The following NPTN variants were observed in gnomAD, a reference collection of about 807,000 sequenced individuals.
NPTN encodes the protein neuroplastin.
In NPTN, 5 loss-of-function variants were observed where a neutral mutation model predicts 42.7. The ratio of observed to expected loss-of-function variants is 0.12; its 90% confidence interval spans 0.06 to 0.25. The LOEUF (loss-of-function observed/expected upper bound fraction) is 0.25. NPTN is among the 10% of genes least tolerant of loss of function. The probability of loss-of-function intolerance (pLI) is 1.00; values close to 1 mark genes in which losing one functional copy is unlikely to be tolerated. For missense variants in NPTN, 307 were observed against 525.4 expected, an observed-to-expected ratio of 0.58 and a Z score of 4.06; for synonymous variants, 180 against 201.9, an observed-to-expected ratio of 0.89 and a Z score of 0.92.
At chr15:73,582,766 T>C (rs1447712585) in intron 4 of NPTN, among the ~76,000 whole-genome samples, 1 of 152,142 alleles carries the variant, frequency 6.6e-6, no homozygotes, top group African/African-American at 2.4e-5. Context: ...TCAGGTGACT[T>C]TTCCAAGCTG....
At chr15:73,631,944 G>C (rs1202496138) in intron 1 of NPTN, among the ~76,000 whole-genome samples, 1 of 152,128 alleles carries the variant, frequency 6.6e-6, no homozygotes, top group Non-Finnish European at 1.5e-5. Flanking sequence ...TCAAAACCCA[G>C]TAATTCTCTG....
intron 4 of NPTN, among the ~76,000 whole-genome samples, chr15:73,580,500 T>C (rs1895968441): frequency 7.7e-6 from 1 of 129,718 alleles, no homozygotes; most frequent in African/African-American, 3.3e-5. Flanking sequence ...TATACATAAA[T>C]ATATATATTA....
intron 4 of NPTN, among the ~76,000 whole-genome samples, chr15:73,576,996 GT>G (rs35892672): frequency 5.9e-5 from 9 of 152,132 alleles, no homozygotes; most frequent in Admixed American, 2.6e-4. Context: ...TGTTCTTGAG[GT>G]TTTTTTCTGC....
intron 1 of NPTN, among the ~76,000 whole-genome samples, chr15:73,623,722 T>C (rs1898251860): frequency 1.3e-5 from 2 of 152,184 alleles, no homozygotes; most frequent in African/African-American, 4.8e-5. Flanking sequence ...ACACTAACTT[T>C]TGAAAAGTCC....
intron 3 of NPTN, among the ~76,000 whole-genome samples, chr15:73,591,352 T>C (rs1896579130): frequency 6.6e-6 from 1 of 152,226 alleles, no homozygotes; most frequent in Non-Finnish European, 1.5e-5. Context: ...TGGGGTGCCA[T>C]GTGTTCTAGA....
intron 1 of NPTN, among the ~76,000 whole-genome samples, chr15:73,613,687 A>G (rs1009087348): frequency 6.6e-6 from 1 of 151,984 alleles, no homozygotes; most frequent in African/African-American, 2.4e-5. Flanking sequence ...AAAATGCTGG[A>G]CATATCTTTT....
chr15:73,563,473 A>G (rs1894809597), intron 6 of NPTN: 21 of 1,377,078 alleles, frequency 1.5e-5, no homozygotes, highest in Non-Finnish European at 1.9e-5. Context: ...TGTTGTTTCA[A>G]TGGTTTTAGT....
chr15:73,585,746 T>G (rs1896286711), intron 4 of NPTN, among the ~76,000 whole-genome samples: 1 of 152,246 alleles, frequency 6.6e-6, no homozygotes, highest in African/African-American at 2.4e-5. Flanking sequence ...CAAGGTCTAC[T>G]TCTGTAAAAC....
intron 1 of NPTN, among the ~76,000 whole-genome samples, chr15:73,607,884 C>T (rs1240211082): frequency 6.6e-6 from 1 of 152,144 alleles, no homozygotes; most frequent in African/African-American, 2.4e-5. Flanking sequence ...GCCCGTGCTG[C>T]TGCTCCAGGG....
chr15:73,611,169 TC>T (rs1292853548), intron 1 of NPTN, among the ~76,000 whole-genome samples: 1 of 152,206 alleles, frequency 6.6e-6, no homozygotes, highest in Non-Finnish European at 1.5e-5. Flanking sequence ...GTCCCTGAAT[TC>T]TCAACAACTC....
intron 4 of NPTN, among the ~76,000 whole-genome samples, chr15:73,583,156 A>C (rs1896141501): frequency 6.6e-6 from 1 of 152,254 alleles, no homozygotes; most frequent in Non-Finnish European, 1.5e-5. Context: ...ATCTCATTCT[A>C]CTTCATCATG....
chr15:73,588,991 T>C (rs941329418), intron 3 of NPTN, among the ~76,000 whole-genome samples: 5 of 152,130 alleles, frequency 3.3e-5, no homozygotes, highest in African/African-American at 1.2e-4. Flanking sequence ...TGAATATCTA[T>C]GTACAGATTC....
At position 73,633,262 on chromosome 15, in the gene NPTN, G is replaced by A. The variant is rs934677450; in HGVS notation, c.-47C>T. ...CAGCGAATGGGCCGGGGCCAGAGCC[G>A]GGGCCGGGGAAGGGAGGGGAGGGAG... On this transcript the variant is annotated 5_prime_UTR_variant, in exon 1 of 9. Coordinates refer to ENST00000345330, the MANE Select transcript of NPTN (RefSeq NM_012428.4). The A allele has an allele frequency of 6.6e-6, 9 of 1,367,990 alleles. No individual in the cohort carries two copies. The highest frequency in any genetic ancestry group is 1.5e-5 in the South Asian group (1 of 68,510). 84.7% of individuals were successfully genotyped at this position (1,367,990 alleles called of 1,614,324 possible).
intron 4 of NPTN, among the ~76,000 whole-genome samples, chr15:73,576,969 AG>A (rs1895733545): frequency 6.6e-6 from 1 of 152,228 alleles, no homozygotes; most frequent in Non-Finnish European, 1.5e-5. Flanking sequence ...GAAAAACTAT[AG>A]TATACTGTTG....
Position 73,570,637 on chromosome 15 carries a change from C to A in NPTN, c.841-214G>T, listed in dbSNP as rs1012475275. 6.6e-6 allele frequency among the ~76,000 whole-genome samples: 1 copy of A among 152,222 alleles called. No individual in the cohort carries two copies. The highest frequency in any genetic ancestry group is 2.4e-5 in the African/African-American group (1 of 41,458). ...CCTCCCTTACCATCGGTCCTCCAGA[C>A]TTCCCCGACTTCCACGAAGTGAGTG... On this transcript the variant is annotated intron_variant, in intron 5 of 8. Coordinates refer to ENST00000345330, the MANE Select transcript of NPTN (RefSeq NM_012428.4). This position sits in a 1 kb window ranked among gnomAD's most constrained non-coding sequence, Gnocchi z 4.0.
chr15:73,563,900 C>A (rs1319188619), intron 6 of NPTN, among the ~76,000 whole-genome samples: 2 of 152,190 alleles, frequency 1.3e-5, no homozygotes, highest in Non-Finnish European at 2.9e-5. Flanking sequence ...CTGTGACACA[C>A]CGAGGAAAGC....
chr15:73,604,079 C>G lies in NPTN; in HGVS notation c.92-6710G>C, dbSNP rs76616113. ...CAAAAACTTTCATTCAGTCCTGTTG[C>G]CAATTCCTACTGACAAGCTAAACAA... On this transcript the variant is annotated intron_variant, in intron 1 of 8. Transcript: ENST00000345330. Among the ~76,000 whole-genome samples, 856 of 152,156 alleles carry G rather than the reference C, an allele frequency of 5.6e-3. 6 individuals are homozygous for G. Among genetic ancestry groups the G allele is most frequent in the African/African-American group, 0.02 (816 of 41,506 alleles).
In NPTN at chr15:73,567,056, T is replaced by C. The variant is rs895978776; in HGVS notation, c.1114+3094A>G. 6 of 980,510 alleles carry C rather than the reference T, an allele frequency of 6.1e-6. No homozygotes were observed. The African/African-American group carries it at 8.8e-5, about 14-fold the overall frequency. 60.7% of individuals were successfully genotyped at this position (980,510 alleles called of 1,614,324 possible). On this transcript the variant is annotated intron_variant, in intron 6 of 8. Transcript: ENST00000345330. ...GCAGCTAAACCTCAATCCTAAGCATTTTCAATGTGAGAAATCTAAATATTT... is the reference window on the plus strand; with the variant it reads ...GCAGCTAAACCTCAATCCTAAGCATCTTCAATGTGAGAAATCTAAATATTT...
intron 1 of NPTN, among the ~76,000 whole-genome samples, chr15:73,612,595 G>A (rs1426462704): frequency 6.6e-6 from 1 of 151,844 alleles, no homozygotes; most frequent in East Asian, 1.9e-4. Flanking sequence ...GTGAAACCCC[G>A]CCTCTACTAA....
Sources: gnomAD v4.1 joint callset for allele counts (sites outside exome capture counted in the v4.1 genomes callset) on GRCh38, gnomAD v4.1.1 for gene constraint, Gnocchi (gnomAD v3.1) non-coding constraint, MANE v1.5 for transcripts, NCBI Gene and HGNC (gene_info 2026-07-23, HGNC 2026-07-21) for gene names.